Variants in CCDC148 observed in about 807,000 individuals in gnomAD.
CCDC148 encodes the protein coiled-coil domain containing 148, also known as coiled-coil domain-containing protein 148.
Under a neutral mutation model 85.7 loss-of-function variants are expected in CCDC148, and 89 were observed. The observed-to-expected ratio is 1.04, with a 90% CI of 0.87 to 1.24. CCDC148 has a LOEUF of 1.24. Ranked by LOEUF, CCDC148 falls within the 50% of genes most tolerant of loss-of-function variation. The pLI is 0.00. For missense variants in CCDC148, 692 were observed against 671.7 expected (o/e 1.03, Z -0.33); for synonymous variants, 230 against 213.9 (o/e 1.08, Z -0.66).
chr2:158,221,044 A>T (rs1428823847), intron 10 of CCDC148, among the ~76,000 whole-genome samples: 2 of 152,210 alleles, frequency 1.3e-5, no homozygotes, highest in African/African-American at 4.8e-5. Flanking sequence ...AAAGTATATG[A>T]TCTACCTGTT....
At chr2:158,275,749 A>G (rs910902856) in intron 9 of CCDC148, among the ~76,000 whole-genome samples, 7 of 147,620 alleles carry the variant, frequency 4.7e-5, no homozygotes, top group African/African-American at 1.7e-4. Flanking sequence ...AAAAAAAAAA[A>G]CTCTGGAGAA....
At chr2:158,250,016 A>T (rs1688724607) in intron 10 of CCDC148, among the ~76,000 whole-genome samples, 1 of 152,148 alleles carries the variant, frequency 6.6e-6, no homozygotes, top group East Asian at 1.9e-4. Flanking sequence ...TTATTTCTAC[A>T]GAGCTTAGCC....
intron 1 of CCDC148, among the ~76,000 whole-genome samples, chr2:158,389,470 C>A (rs1235954055): frequency 1.3e-5 from 2 of 152,200 alleles, no homozygotes; most frequent in Admixed American, 6.5e-5. Context: ...GATCCCAGAT[C>A]AATTTCAATT....
At chr2:158,277,980 T>A (rs118191583) in intron 9 of CCDC148, among the ~76,000 whole-genome samples, 3 of 152,178 alleles carry the variant, frequency 2.0e-5, no homozygotes, top group African/African-American at 4.8e-5. Context: ...CCAAGTCAAT[T>A]TGACTAGCAC....
intron 9 of CCDC148, among the ~76,000 whole-genome samples, chr2:158,298,224 G>A (rs1691283606): frequency 6.6e-6 from 1 of 152,194 alleles, no homozygotes; most frequent in Admixed American, 6.5e-5. Flanking sequence ...ACAACATGTG[G>A]GGATTATGGG....
At chr2:158,297,780 T>C (rs1691259212) in intron 9 of CCDC148, among the ~76,000 whole-genome samples, 1 of 152,242 alleles carries the variant, frequency 6.6e-6, no homozygotes, top group South Asian at 2.1e-4. Flanking sequence ...CCACACTGCC[T>C]CTGGCACAAT....
Position 158,278,186 on chromosome 2 carries a change from C to T in CCDC148, c.1111-27274G>A, listed in dbSNP as rs537794810. 6.1e-4 allele frequency among the ~76,000 whole-genome samples: 93 copies of T among 152,186 alleles called. 1 individual carries two copies. Among genetic ancestry groups the T allele is most frequent in the Admixed American group, 1.2e-3 (19 of 15,288 alleles). ...AGGAACAGCTCCAGTCTACAGCTCC[C>T]AGTGTGAGTGACGCAGAAGACGGGT... On this transcript the variant is annotated intron_variant, in intron 9 of 13. Transcript: ENST00000283233.
chr2:158,178,816 A>T, intron 12 of CCDC148, 63 bp downstream of exon 12: 2 of 1,150,444 alleles, frequency 1.7e-6, no homozygotes, highest in Non-Finnish European at 2.6e-6. Flanking sequence ...GAATGCTATT[A>T]AGAGCACTTA....
intron 1 of CCDC148, among the ~76,000 whole-genome samples, chr2:158,374,278 C>T (rs1432863755): frequency 6.6e-6 from 1 of 152,000 alleles, no homozygotes; most frequent in Non-Finnish European, 1.5e-5. Context: ...AATCATAGCA[C>T]ACAACCCCCG....
chr2:158,269,381 C>T (rs1474107296), intron 9 of CCDC148, among the ~76,000 whole-genome samples: 1 of 152,106 alleles, frequency 6.6e-6, no homozygotes, highest in African/African-American at 2.4e-5. Context: ...TGGCAACCAG[C>T]TGCTCATAGG....
Position 158,313,813 on chromosome 2 carries a change from C to G in CCDC148, c.846G>C (p.Arg282Ser). 1 of 1,613,906 alleles carries G rather than the reference C, an allele frequency of 6.2e-7. No individual in the cohort carries two copies. Reference protein sequence around the residue: ...DQYPGDLFGRRTLYLDMLQRY... With the variant: ...DQYPGDLFGRSTLYLDMLQRY... ...TTTGTAACATGTCCAGATACAGAGT[C>G]CTTCTTCCAAAGAGATCTCCAGGGT... is the stretch of plus-strand genomic sequence containing the variant. Residue 282 changes from arginine to serine, a missense_variant, in exon 8 of 14, where the codon AGG becomes AGC. Arg to Ser is a moderately radical substitution (Grantham distance 110). Transcript: ENST00000283233.
At chr2:158,172,812 G>A (rs759042713) in intron 13 of CCDC148, among the ~76,000 whole-genome samples, 6 of 152,028 alleles carry the variant, frequency 3.9e-5, no homozygotes, top group Non-Finnish European at 7.4e-5. Context: ...CATATGAGTA[G>A]TTCAACTTCT....
At chr2:158,174,772 A>G (rs1052544179) in intron 13 of CCDC148, among the ~76,000 whole-genome samples, 4 of 152,006 alleles carry the variant, frequency 2.6e-5, no homozygotes, top group Non-Finnish European at 5.9e-5. Flanking sequence ...TGTGAAACTA[A>G]ACATACAAGA....
At chr2:158,294,978 C>T (rs1368410514) in intron 9 of CCDC148, among the ~76,000 whole-genome samples, 2 of 151,916 alleles carry the variant, frequency 1.3e-5, no homozygotes, top group Admixed American at 1.3e-4. Context: ...ACTAATAGCC[C>T]CCTGTGGTTT....
At chr2:158,176,844 C>T (rs965973762) in intron 12 of CCDC148, 183 bp from the exon 13 acceptor site, 1 of 569,986 alleles carries the variant, frequency 1.8e-6, no homozygotes, top group Non-Finnish European at 3.0e-6. Flanking sequence ...TAAAACAAAA[C>T]AAGACAATAC....
At chr2:158,197,572 A>T (rs1363858273) in intron 11 of CCDC148, among the ~76,000 whole-genome samples, 5 of 152,206 alleles carry the variant, frequency 3.3e-5, no homozygotes, top group African/African-American at 1.2e-4. Flanking sequence ...CCCATTTCTG[A>T]TAAAGTCACT....
intron 9 of CCDC148, among the ~76,000 whole-genome samples, chr2:158,298,352 T>G (rs565559009): frequency 6.6e-6 from 1 of 152,266 alleles, no homozygotes; most frequent in African/African-American, 2.4e-5. Context: ...TTTGTCTACT[T>G]TGGGGTTTGT....
chr2:158,330,482 G>C (rs1218596864), intron 7 of CCDC148, among the ~76,000 whole-genome samples: 1 of 152,064 alleles, frequency 6.6e-6, no homozygotes, highest in Non-Finnish European at 1.5e-5. Context: ...TTTTTGTTGT[G>C]TCTCTGGCAG....
chr2:158,431,376 C>T (rs1255850626), intron 1 of CCDC148, among the ~76,000 whole-genome samples: 1 of 150,976 alleles, frequency 6.6e-6, no homozygotes, highest in African/African-American at 2.4e-5. Context: ...TATAGAAAAA[C>T]ACAGAGAAGA....
Sources: gnomAD v4.1 joint callset for allele counts (sites outside exome capture counted in the v4.1 genomes callset) on GRCh38, gnomAD v4.1.1 for gene constraint, MANE v1.5 for transcripts, NCBI Gene and HGNC (gene_info 2026-07-23, HGNC 2026-07-21) for gene names.